N4BP1: variants seen among roughly 807,000 people sequenced by gnomAD.
The protein encoded by N4BP1 is NEDD4-binding protein 1.
A neutral mutation model predicts 70.9 loss-of-function variants in N4BP1; 21 were observed. The ratio of observed to expected loss-of-function variants is 0.30; its 90% CI spans 0.21 to 0.43. N4BP1 has a LOEUF of 0.43. Ranked by LOEUF, N4BP1 falls within the 20% of genes least tolerant of loss-of-function variation. The probability of loss-of-function intolerance (pLI) is 1.00; values close to 1 mark genes in which losing one functional copy is unlikely to be tolerated. For missense variants in N4BP1, 936 were observed against 1,069.4 expected (o/e 0.88, Z 1.74); for synonymous variants, 387 against 394.6 (o/e 0.98, Z 0.23).
intron 1 of N4BP1, among the ~76,000 whole-genome samples, chr16:48,588,268 G>A (rs555864974): frequency 2.0e-5 from 3 of 149,702 alleles, no homozygotes; most frequent in Non-Finnish European, 4.4e-5. Context: ...ATGGCAGCAT[G>A]TTCTTTCAAT....
chr16:48,608,609 T>C (rs796863059), intron 1 of N4BP1, among the ~76,000 whole-genome samples: 13 of 151,960 alleles, frequency 8.6e-5, no homozygotes, highest in African/African-American at 3.1e-4. Flanking sequence ...CTAGAGAAAC[T>C]TGGTTACCTA....
chr16:48,599,664 T>C (rs1964468260), intron 1 of N4BP1, among the ~76,000 whole-genome samples: 1 of 152,214 alleles, frequency 6.6e-6, no homozygotes, highest in African/African-American at 2.4e-5. Flanking sequence ...TGGAAAATAA[T>C]GTAATCCATA....
chr16:48,587,777 T>C (rs1964268097), intron 1 of N4BP1, among the ~76,000 whole-genome samples: 1 of 152,230 alleles, frequency 6.6e-6, no homozygotes, highest in Admixed American at 6.5e-5. Context: ...CTGTAGTTCA[T>C]GTGTTGAACT....
At chr16:48,592,548 G>A (rs1291712105) in intron 1 of N4BP1, among the ~76,000 whole-genome samples, 1 of 152,156 alleles carries the variant, frequency 6.6e-6, no homozygotes, top group Non-Finnish European at 1.5e-5. Context: ...TGTGTTGTGT[G>A]TGATGTTTAT....
At chr16:48,600,280 T>C in intron 1 of N4BP1, 1 of 1,146,688 alleles carries the variant, frequency 8.7e-7, no homozygotes, top group Non-Finnish European at 1.3e-6. Flanking sequence ...CATAAAAACT[T>C]TAAAAAGAAG....
intron 4 of N4BP1, among the ~76,000 whole-genome samples, chr16:48,550,429 G>A (rs936035674): frequency 2.6e-5 from 4 of 151,346 alleles, no homozygotes; most frequent in South Asian, 2.1e-4. Context: ...ACAGGAGAAC[G>A]GCTAGAACCT....
At chr16:48,592,752 T>C (rs1964356512) in intron 1 of N4BP1, among the ~76,000 whole-genome samples, 1 of 152,214 alleles carries the variant, frequency 6.6e-6, no homozygotes, top group South Asian at 2.1e-4. Flanking sequence ...TTAGGTCAAA[T>C]ATTAGGTTTG....
intron 1 of N4BP1, among the ~76,000 whole-genome samples, chr16:48,581,533 T>C (rs537642510): frequency 9.8e-5 from 15 of 152,292 alleles, no homozygotes; most frequent in East Asian, 9.6e-4. Context: ...CCCAGAATTA[T>C]TGAATTCCAT....
intron 2 of N4BP1, among the ~76,000 whole-genome samples, chr16:48,556,492 G>C (rs943997426): frequency 3.9e-5 from 6 of 152,160 alleles, no homozygotes; most frequent in Admixed American, 2.6e-4. Flanking sequence ...TGCTACTTAT[G>C]GGAAGGCCAA....
At chr16:48,568,744 T>G (rs1371361561) in intron 1 of N4BP1, among the ~76,000 whole-genome samples, 1 of 152,164 alleles carries the variant, frequency 6.6e-6, no homozygotes, top group African/African-American at 2.4e-5. Flanking sequence ...CTTCGCAGTT[T>G]CTGATAAGTC....
intron 1 of N4BP1, among the ~76,000 whole-genome samples, chr16:48,604,683 A>G (rs1358216174): frequency 6.6e-6 from 1 of 152,152 alleles, no homozygotes; most frequent in Admixed American, 6.5e-5. Context: ...TGTTTAGCAC[A>G]TATAACTGTT....
intron 2 of N4BP1, among the ~76,000 whole-genome samples, chr16:48,556,143 C>T (rs958274769): frequency 2.0e-5 from 3 of 152,094 alleles, no homozygotes; most frequent in Non-Finnish European, 4.4e-5. Flanking sequence ...GTGTTATTCT[C>T]AGTAATAAGA....
intron 1 of N4BP1, among the ~76,000 whole-genome samples, chr16:48,599,343 T>C (rs1964464216): frequency 2.0e-5 from 3 of 152,170 alleles, no homozygotes; most frequent in Admixed American, 6.5e-5. Context: ...GGGGGCATGG[T>C]TGTTCTTTCA....
At chr16:48,565,673 A>T (rs1212558207) in intron 1 of N4BP1, among the ~76,000 whole-genome samples, 1 of 152,218 alleles carries the variant, frequency 6.6e-6, no homozygotes, top group African/African-American at 2.4e-5. Context: ...CTCCTCTTGC[A>T]GTTCTTGGAA....
intron 1 of N4BP1, among the ~76,000 whole-genome samples, chr16:48,594,041 T>C (rs1344186271): frequency 1.3e-5 from 2 of 149,604 alleles, no homozygotes; most frequent in African/African-American, 5.0e-5. Context: ...CACCTAGCTT[T>C]AGCATTTTAA....
At chr16:48,608,012 C>A (rs1964609945) in intron 1 of N4BP1, among the ~76,000 whole-genome samples, 1 of 152,198 alleles carries the variant, frequency 6.6e-6, no homozygotes, top group South Asian at 2.1e-4. Flanking sequence ...CAGGCGCGTA[C>A]CACCACGCCG....
intron 1 of N4BP1, among the ~76,000 whole-genome samples, chr16:48,564,860 G>A (rs1362580388): frequency 6.6e-6 from 1 of 152,118 alleles, no homozygotes; most frequent in African/African-American, 2.4e-5. Context: ...TTTGAGTTTT[G>A]AGAATACAAA....
At chr16:48,564,918 CTGAG>C (rs1285772993) in intron 1 of N4BP1, among the ~76,000 whole-genome samples, 1 of 152,124 alleles carries the variant, frequency 6.6e-6, no homozygotes, top group Non-Finnish European at 1.5e-5. Flanking sequence ...TTTTATTTTT[CTGAG>C]TGATTGTACA....
intron 1 of N4BP1, among the ~76,000 whole-genome samples, chr16:48,593,734 A>G (rs1461912433): frequency 1.3e-5 from 2 of 152,150 alleles, no homozygotes; most frequent in Admixed American, 6.5e-5. Context: ...TTTAGGCTGG[A>G]CGTGGTGGCT....
Sources: gnomAD v4.1 joint callset for allele counts (sites outside exome capture counted in the v4.1 genomes callset) on GRCh38, gnomAD v4.1.1 for gene constraint, MANE v1.5 for transcripts, NCBI Gene and HGNC (gene_info 2026-07-23, HGNC 2026-07-21) for gene names.